INSYN2A: variants seen among roughly 807,000 people sequenced by gnomAD.
INSYN2A encodes the protein inhibitory synaptic factor 2A.
A neutral mutation model predicts 39.4 loss-of-function variants in INSYN2A; 17 were observed. That is an observed-to-expected ratio of 0.43 (90% CI 0.30 to 0.65). INSYN2A has a LOEUF of 0.65. Among genes scored for constraint, INSYN2A ranks in the 30% least tolerant of loss-of-function variants. INSYN2A has a pLI of 0.14. For missense variants in INSYN2A, 595 were observed against 631.2 expected (o/e 0.94, Z 0.61); for synonymous variants, 255 against 265.7 (o/e 0.96, Z 0.39).
Position 127,136,667 on chromosome 10 carries a change from C to G in INSYN2A, c.*1170G>C, listed in dbSNP as rs758971474. 2 of 152,604 alleles carry G rather than the reference C, an allele frequency of 1.3e-5. No individual in the cohort carries two copies. The highest frequency in any genetic ancestry group is 2.9e-5 in the Non-Finnish European group (2 of 68,038). The allele number at this position is 152,604 out of a possible 1,614,324, so 9.5% of individuals were successfully genotyped here. A position where few individuals can be genotyped will look rare whatever the true frequency, so the allele number is the denominator to read the frequency against. On this transcript the variant is annotated 3_prime_UTR_variant, in exon 6 of 6. Transcript: ENST00000522781. ...TGCAATGTGTAATCAAGAGAGAACT[C>G]TAAGTGTTACTGTTGATTTAAAAAA...
intron 2 of INSYN2A, among the ~76,000 whole-genome samples, chr10:127,187,635 T>G (rs770756046): frequency 2.6e-5 from 4 of 152,098 alleles, no homozygotes; most frequent in Non-Finnish European, 5.9e-5. Flanking sequence ...CAAGCATTTT[T>G]CCTTAAGGGC....
At chr10:127,142,319 T>G (rs980038323) in intron 5 of INSYN2A, among the ~76,000 whole-genome samples, 2 of 152,108 alleles carry the variant, frequency 1.3e-5, no homozygotes, top group Non-Finnish European at 2.9e-5. Context: ...CTTTGCACAG[T>G]CCCCTTGCAA....
At chr10:127,171,125 G>T (rs1180143192) in intron 4 of INSYN2A, among the ~76,000 whole-genome samples, 1 of 152,188 alleles carries the variant, frequency 6.6e-6, no homozygotes, top group Non-Finnish European at 1.5e-5. Context: ...CAAAATTGAA[G>T]CTCACAGAGG....
In INSYN2A at chr10:127,176,111, G is replaced by A; in HGVS notation, c.285C>T (p.Ser95=). The A allele has an allele frequency of 6.2e-7, 1 of 1,614,178 alleles. No homozygotes were observed. The highest frequency in any genetic ancestry group is 8.5e-7 in the Non-Finnish European group (1 of 1,180,042). ...RKYMTVPARR[S]IPNVTKSTGV... ...CTGTGCTCTTGGTGACGTTGGGGAT[G>A]GACCTGCGTGCGGGCACTGTCATGT... is the stretch of plus-strand genomic sequence containing the variant. Residue 95 remains serine, a synonymous_variant, in exon 4 of 6, where the codon TCC becomes TCT. Transcript: ENST00000522781. This position sits in a 1 kb window ranked among gnomAD's most constrained non-coding sequence, Gnocchi z 4.4.
rs1345721516 is a variant in INSYN2A at position 127,136,628 on chromosome 10, A to G, written c.*1209T>C. Reference sequence around the variant, plus strand: ...AAGAAATGAGTGAAAAAATAAAGGAACTAAGATTTACATTGCAATGTGTAA... The same window carrying G: ...AAGAAATGAGTGAAAAAATAAAGGAGCTAAGATTTACATTGCAATGTGTAA... On this transcript the variant is annotated 3_prime_UTR_variant, in exon 6 of 6. Transcript: ENST00000522781. 2.6e-5 allele frequency: 4 copies of G among 152,652 alleles called. No homozygotes were observed. The highest frequency in any genetic ancestry group is 7.2e-5 in the African/African-American group (3 of 41,454). The allele number at this position is 152,652 out of a possible 1,614,324, so 9.5% of individuals were successfully genotyped here.
In INSYN2A at chr10:127,143,706, G is replaced by T. The variant is rs528039266; in HGVS notation, c.1257-5686C>A. 1.7e-3 allele frequency among the ~76,000 whole-genome samples: 252 copies of T among 152,282 alleles called. 1 individual carries two copies. The highest frequency in any genetic ancestry group is 5.7e-3 in the African/African-American group (236 of 41,560). On this transcript the variant is annotated intron_variant, in intron 5 of 5. Transcript: ENST00000522781. Reference sequence around the variant, plus strand: ...CATTGTCCAGAGGAAACTAAAAGTTGGGATCTGGATCCCAGGCCTGGCTCT... The same window carrying T: ...CATTGTCCAGAGGAAACTAAAAGTTTGGATCTGGATCCCAGGCCTGGCTCT...
intron 5 of INSYN2A, among the ~76,000 whole-genome samples, chr10:127,151,154 A>T (rs2133462981): frequency 6.6e-6 from 1 of 152,298 alleles, no homozygotes; most frequent in African/African-American, 2.4e-5. Flanking sequence ...AACCACCTTA[A>T]GAGTAATCGT....
chr10:127,157,180 A>G (rs1325320831), intron 4 of INSYN2A, among the ~76,000 whole-genome samples: 2 of 152,204 alleles, frequency 1.3e-5, no homozygotes, highest in African/African-American at 4.8e-5. Context: ...AACTCTAAGG[A>G]GGTGACATTT....
chr10:127,193,743 T>G (rs1166163313), intron 1 of INSYN2A, among the ~76,000 whole-genome samples: 1 of 152,152 alleles, frequency 6.6e-6, no homozygotes, highest in African/African-American at 2.4e-5. Context: ...ATTTATTGAT[T>G]TATTTAAAAA....
At chr10:127,177,553 G>A (rs1009679954) in intron 2 of INSYN2A, among the ~76,000 whole-genome samples, 7 of 152,208 alleles carry the variant, frequency 4.6e-5, no homozygotes, top group African/African-American at 1.7e-4. Flanking sequence ...GGGTGTACGG[G>A]GCCCGAGTGG....
chr10:127,154,364 T>A (rs977144851), intron 4 of INSYN2A, among the ~76,000 whole-genome samples: 1 of 152,230 alleles, frequency 6.6e-6, no homozygotes, highest in Non-Finnish European at 1.5e-5. Flanking sequence ...CGCCGGGGCC[T>A]GGTTTTGTCC....
At chr10:127,193,044 C>T (rs1324257426) in intron 1 of INSYN2A, among the ~76,000 whole-genome samples, 1 of 152,156 alleles carries the variant, frequency 6.6e-6, no homozygotes, top group Non-Finnish European at 1.5e-5. Context: ...TAGTATCAAT[C>T]ATATTAAATT....
intron 2 of INSYN2A, among the ~76,000 whole-genome samples, chr10:127,186,835 C>T (rs541657775): frequency 3.9e-4 from 59 of 151,882 alleles, no homozygotes; most frequent in African/African-American, 1.3e-3. Context: ...AACGGTGAGT[C>T]GAGAGAAATG....
intron 4 of INSYN2A, 78 bp from the exon 5 acceptor site, chr10:127,154,001 A>G (rs7068954): frequency 0.98 from 975,753 of 991,072 alleles, 480,937 homozygotes; most frequent in East Asian, 1. Flanking sequence ...CCTCAAATCA[A>G]ATGCCTTCCC....
At chr10:127,138,844 G>C (rs974260908) in intron 5 of INSYN2A, among the ~76,000 whole-genome samples, 1 of 152,212 alleles carries the variant, frequency 6.6e-6, no homozygotes, top group African/African-American at 2.4e-5. Flanking sequence ...GAAAATTGCT[G>C]TCAACTTGTC....
intron 1 of INSYN2A, among the ~76,000 whole-genome samples, chr10:127,192,932 G>T (rs2056855548): frequency 6.6e-6 from 1 of 152,154 alleles, no homozygotes; most frequent in Non-Finnish European, 1.5e-5. Context: ...TAAAAGTCAT[G>T]AAGTTTCACT....
At chr10:127,159,804 AAGG>A (rs1226944177) in intron 4 of INSYN2A, among the ~76,000 whole-genome samples, 6 of 152,084 alleles carry the variant, frequency 3.9e-5, no homozygotes, top group African/African-American at 1.4e-4. Flanking sequence ...AGGAATGATA[AAGG>A]AGGAGGGTGG....
At chr10:127,168,222 A>G (rs936850524) in intron 4 of INSYN2A, among the ~76,000 whole-genome samples, 3 of 152,212 alleles carry the variant, frequency 2.0e-5, no homozygotes, top group Non-Finnish European at 4.4e-5. Context: ...AACCAAGTGC[A>G]TGGGAGGCTG....
intron 2 of INSYN2A, among the ~76,000 whole-genome samples, chr10:127,187,312 T>C (rs2056364134): frequency 6.6e-6 from 1 of 152,200 alleles, no homozygotes; most frequent in Non-Finnish European, 1.5e-5. Context: ...CAAAAGCCTG[T>C]GTAGTTCATG....
Sources: gnomAD v4.1 joint callset for allele counts (sites outside exome capture counted in the v4.1 genomes callset) on GRCh38, gnomAD v4.1.1 for gene constraint, Gnocchi (gnomAD v3.1) non-coding constraint, MANE v1.5 for transcripts, NCBI Gene and HGNC (gene_info 2026-07-23, HGNC 2026-07-21) for gene names.